Variants in NRXN3 observed in about 807,000 individuals in gnomAD.
NRXN3 encodes neurexin III.
Under a neutral mutation model 137.6 loss-of-function variants are expected in NRXN3, and 32 were observed. The ratio of observed to expected loss-of-function variants is 0.23; its 90% confidence interval spans 0.18 to 0.31. The LOEUF is 0.31. Among genes scored for constraint, NRXN3 ranks in the 10% least tolerant of loss-of-function variants. The probability of loss-of-function intolerance (pLI) is 1.00; values close to 1 mark genes in which losing one functional copy is unlikely to be tolerated. For missense variants in NRXN3, 1,574 were observed against 2,062.5 expected (o/e 0.76, Z 4.59); for synonymous variants, 798 against 784.5 (o/e 1.02, Z -0.29).
intron 8 of NRXN3, among the ~76,000 whole-genome samples, chr14:78,790,710 G>C (rs956901347): frequency 6.6e-6 from 1 of 152,148 alleles, no homozygotes; most frequent in African/African-American, 2.4e-5. Flanking sequence ...AAAGAGAAAA[G>C]GGTGAGGGAT....
At chr14:79,267,383 G>T in intron 15 of NRXN3, among the ~76,000 whole-genome samples, 1 of 147,402 alleles carries the variant, frequency 6.8e-6, no homozygotes. Context: ...TTTTGAGACA[G>T]AGTCTCTCTC....
chr14:79,666,018 A>T (rs891471141), intron 17 of NRXN3, among the ~76,000 whole-genome samples: 3 of 152,068 alleles, frequency 2.0e-5, no homozygotes, highest in African/African-American at 7.2e-5. Flanking sequence ...TGGTTTCATC[A>T]CCTGTGAGTC....
chr14:78,290,856 A>C (rs1448429170), intron 3 of NRXN3, among the ~76,000 whole-genome samples: 1 of 152,194 alleles, frequency 6.6e-6, no homozygotes, highest in East Asian at 1.9e-4. Context: ...TGATGATCTC[A>C]TACATGACAG....
chr14:79,641,775 T>C (rs1298815130), intron 16 of NRXN3, among the ~76,000 whole-genome samples: 1 of 135,582 alleles, frequency 7.4e-6, no homozygotes, highest in East Asian at 2.0e-4. Context: ...AGAAACAGTT[T>C]TGGTGGTTGC....
chr14:79,136,480 C>T (rs996487348), intron 15 of NRXN3, among the ~76,000 whole-genome samples: 1 of 152,206 alleles, frequency 6.6e-6, no homozygotes, highest in African/African-American at 2.4e-5. Context: ...TTCTCCTCTA[C>T]TTCTCTGTTT....
At chr14:79,666,408 G>T (rs2098557179) in intron 17 of NRXN3, among the ~76,000 whole-genome samples, 1 of 151,994 alleles carries the variant, frequency 6.6e-6, no homozygotes, top group Non-Finnish European at 1.5e-5. Flanking sequence ...CAATCATTTG[G>T]CTAGCATTTT....
chr14:79,329,899 G>A (rs1051704545), intron 15 of NRXN3, among the ~76,000 whole-genome samples: 5 of 150,986 alleles, frequency 3.3e-5, no homozygotes, highest in African/African-American at 1.2e-4. Context: ...GGAGTGCAGT[G>A]GCATGATCTT....
At chr14:79,530,270 C>T (rs1414743392) in intron 16 of NRXN3, among the ~76,000 whole-genome samples, 1 of 152,078 alleles carries the variant, frequency 6.6e-6, no homozygotes, top group African/African-American at 2.4e-5. Flanking sequence ...CACATAGTCA[C>T]ATTTAAAGTG....
In NRXN3 at chr14:78,405,968, G is replaced by A. The variant is rs372005070; in HGVS notation, c.757+108108G>A. 5.0e-4 allele frequency among the ~76,000 whole-genome samples: 76 copies of A among 152,258 alleles called. No homozygotes were observed. In the East Asian group the frequency reaches 0.01, roughly 20 times the overall value. On this transcript the variant is annotated intron_variant, in intron 4 of 20. Transcript: ENST00000335750. ...TATCCTATTCACAAATGAGGAAACC[G>A]AGACTCACATATTATGCACCATGCC...
intron 19 of NRXN3, among the ~76,000 whole-genome samples, chr14:79,790,222 G>T (rs2099140828): frequency 6.6e-6 from 1 of 152,116 alleles, no homozygotes; most frequent in Non-Finnish European, 1.5e-5. Context: ...TTCTGGTAAG[G>T]CCTCAAGAAG....
chr14:78,320,040 T>C (rs547090934), intron 4 of NRXN3, among the ~76,000 whole-genome samples: 127 of 152,312 alleles, frequency 8.3e-4, no homozygotes, highest in Non-Finnish European at 1.3e-3. Flanking sequence ...GTGTCTATAT[T>C]GGCTGATGGC....
chr14:78,760,461 C>T (rs2098688724), intron 8 of NRXN3, among the ~76,000 whole-genome samples: 1 of 147,864 alleles, frequency 6.8e-6, no homozygotes, highest in Admixed American at 6.9e-5. Context: ...AATAAAAATA[C>T]CCTCTTTCTT....
chr14:79,371,748 T>C (rs74069758), intron 15 of NRXN3, among the ~76,000 whole-genome samples: 2,419 of 152,202 alleles, frequency 0.016, 34 homozygotes, highest in East Asian at 0.04. Context: ...TGGGGAAAAT[T>C]CTTATGCACC....
intron 15 of NRXN3, among the ~76,000 whole-genome samples, chr14:79,003,081 C>T (rs541086734): frequency 4.6e-5 from 7 of 152,196 alleles, no homozygotes; most frequent in South Asian, 2.1e-4. Flanking sequence ...TGGGCTCAAG[C>T]GATCCTTCTG....
chr14:78,273,729 G>A (rs58599696), intron 2 of NRXN3, among the ~76,000 whole-genome samples: 2,648 of 152,286 alleles, frequency 0.017, 73 homozygotes, highest in African/African-American at 0.061. Context: ...GGGGCAGATT[G>A]CAGAAGAAAA....
At chr14:79,637,632 G>C (rs1307241351) in intron 16 of NRXN3, among the ~76,000 whole-genome samples, 2 of 151,856 alleles carry the variant, frequency 1.3e-5, no homozygotes, top group African/African-American at 4.8e-5. Context: ...AGTTCTTCTG[G>C]ATCTGGTTGG....
chr14:78,512,999 G>C (rs1567806218), intron 4 of NRXN3, among the ~76,000 whole-genome samples: 2 of 152,182 alleles, frequency 1.3e-5, no homozygotes, highest in Admixed American at 6.5e-5. Context: ...GTTTGCTCCA[G>C]CACATCTCAT....
At chr14:79,049,009 C>G (rs567259153) in intron 15 of NRXN3, among the ~76,000 whole-genome samples, 22 of 103,530 alleles carry the variant, frequency 2.1e-4, no homozygotes, top group African/African-American at 2.8e-4. Flanking sequence ...GGCGACAGAG[C>G]GAAACTCCGT....
At chr14:78,617,404 G>A (rs2097357403) in intron 4 of NRXN3, among the ~76,000 whole-genome samples, 1 of 152,162 alleles carries the variant, frequency 6.6e-6, no homozygotes, top group South Asian at 2.1e-4. Context: ...GAGTTTTTAG[G>A]GCTGGGGTTT....
Sources: allele counts gnomAD v4.1 joint callset (sites outside exome capture counted in the v4.1 genomes callset), GRCh38; gene constraint gnomAD v4.1.1; transcripts MANE v1.5; gene names NCBI Gene and HGNC (gene_info 2026-07-23, HGNC 2026-07-21).